ASPSCR1: variants seen among roughly 807,000 people sequenced by gnomAD.
ASPSCR1 encodes the protein tether containing UBX domain for GLUT4.
ASPSCR1 carries 55 observed loss-of-function variants against 68.9 expected under a neutral mutation model. The ratio of observed to expected loss-of-function variants is 0.80; its 90% CI spans 0.64 to 1.00. The LOEUF (loss-of-function observed/expected upper bound fraction) is 1.00. Ranked by LOEUF, ASPSCR1 falls within the 50% of genes least tolerant of loss-of-function variation. The pLI, the probability that ASPSCR1 is intolerant of heterozygous loss-of-function variation, is 0.00. For synonymous variants in ASPSCR1, 352 were observed against 332.6 expected (o/e 1.06, Z -0.63); for missense variants, 765 against 762.2 (o/e 1.00, Z -0.04).
intron 7 of ASPSCR1, among the ~76,000 whole-genome samples, chr17:82,000,198 T>A (rs2042481473): frequency 6.6e-6 from 1 of 152,252 alleles, no homozygotes; most frequent in Non-Finnish European, 1.5e-5. Flanking sequence ...GGCGTGGGCC[T>A]CAGCCCCTTC....
rs1251203365 is a variant in ASPSCR1, at chr17:81,986,580, C to T, written c.374+973C>T. 6.6e-6 allele frequency among the ~76,000 whole-genome samples: 1 copy of T among 152,198 alleles called. No homozygotes were observed. Among genetic ancestry groups the T allele is most frequent in the Non-Finnish European group, 1.5e-5 (1 of 68,032 alleles). ...GGAAGTCTCTGTCCACAGTAAAAGGCTCAGCAGAATGGAAGGGACTTGGGG... is the reference window on the plus strand; with the variant it reads ...GGAAGTCTCTGTCCACAGTAAAAGGTTCAGCAGAATGGAAGGGACTTGGGG... On this transcript the variant is annotated intron_variant, in intron 4 of 15. Transcript: ENST00000306739. The surrounding 1 kb of genome is among the most constrained non-coding windows in gnomAD (Gnocchi z 5.2).
In ASPSCR1 at chr17:81,987,497, T is replaced by G. The variant is rs376379847; in HGVS notation, c.374+1890T>G. Reference sequence around the variant, plus strand: ...CCAGTGCTCCCACAGGCACAGGTGCTTGGTGAGGGCCGTCCTCCCTGGCTG... The same window carrying G: ...CCAGTGCTCCCACAGGCACAGGTGCGTGGTGAGGGCCGTCCTCCCTGGCTG... On this transcript the variant is annotated intron_variant, in intron 4 of 15. Transcript: ENST00000306739. This position sits in a 1 kb window ranked among gnomAD's most constrained non-coding sequence, Gnocchi z 5.6. Among the ~76,000 whole-genome samples the G allele has an allele frequency of 7.2e-5, 11 of 152,218 alleles. No individual in the cohort carries two copies. Among genetic ancestry groups the G allele is most frequent in the African/African-American group, 1.2e-4 (5 of 41,546 alleles).
Position 81,996,514 on chromosome 17 carries a change from C to G in ASPSCR1, c.601C>G (p.Pro201Ala), listed in dbSNP as rs1277618403. The change falls in exon 7 of 16, where the codon CCC becomes GCC. Residue 201 changes from proline to alanine, a missense_variant. Coordinates refer to ENST00000306739, the MANE Select transcript of ASPSCR1 (RefSeq NM_024083.4). ...CCAGGCAGCCGCCAGCGCTCCACTTCCCTTGGAATCTGGGGAGCTCAGCCG... is the reference window on the plus strand; with the variant it reads ...CCAGGCAGCCGCCAGCGCTCCACTTGCCTTGGAATCTGGGGAGCTCAGCCG... ...AGQAAASAPLPLESGELSRGD... is the reference protein window; with the variant it reads ...AGQAAASAPLALESGELSRGD... The G allele has an allele frequency of 6.2e-7, 1 of 1,612,768 alleles. No homozygotes were observed. The highest frequency in any genetic ancestry group is 1.3e-5 in the African/African-American group (1 of 75,072).
At position 81,996,837 on chromosome 17, in the gene ASPSCR1, G is replaced by C; in HGVS notation, c.924G>C (p.Glu308Asp). ...AGCGGGATCCCCAGCAGGAGCAGGA[G>C]CGGGAGCGGGTAAAAGGGGCTCTAG... Reference protein sequence around the residue: ...ERERDPQQEQERERPVDREPV... With the variant: ...ERERDPQQEQDRERPVDREPV... The change falls in exon 7 of 16, where the codon GAG (glutamate) becomes GAC (aspartate). Residue 308 changes from glutamate (E) to aspartate (D), a missense_variant. Physicochemically the swap from Glu to Asp is conservative, Grantham distance 45 (BLOSUM62 2). Transcript: ENST00000306739. The C allele has an allele frequency of 6.3e-7, 1 of 1,598,496 alleles. No homozygotes were observed. The highest frequency in any genetic ancestry group is 8.5e-7 in the Non-Finnish European group (1 of 1,174,088).
At chr17:82,012,014 G>A (rs1386496865) in intron 11 of ASPSCR1, 10 of 668,400 alleles carry the variant, frequency 1.5e-5, no homozygotes, top group East Asian at 8.1e-5. Flanking sequence ...CGGGCTGCAC[G>A]GGTGGTGTCC....
At chr17:82,007,244 A>G (rs988358413) in intron 7 of ASPSCR1, 3 of 152,202 alleles carry the variant, frequency 2.0e-5, no homozygotes, top group Non-Finnish European at 4.4e-5. Flanking sequence ...CTCCCCTGCT[A>G]CCACGGCCCC....
chr17:81,985,046 CCCCACACACA>C (rs1052268721), intron 3 of ASPSCR1, among the ~76,000 whole-genome samples: 3 of 135,590 alleles, frequency 2.2e-5, no homozygotes, highest in Non-Finnish European at 1.6e-5. Flanking sequence ...CACACCTCCC[CCCCACACACA>C]CCCACGCACA....
rs2042111264 is a variant in ASPSCR1, at chr17:81,990,056, T to A, written c.374+4449T>A. On this transcript the variant is annotated intron_variant, in intron 4 of 15. Transcript: ENST00000306739. The surrounding 1 kb of genome is among the most constrained non-coding windows in gnomAD (Gnocchi z 4.1). Reference sequence around the variant, plus strand: ...TCCCAAAGTGCTGAGATTACAGGCGTGAGCCACCACACCTGGCCAATCACT... The same window carrying A: ...TCCCAAAGTGCTGAGATTACAGGCGAGAGCCACCACACCTGGCCAATCACT... Among the ~76,000 whole-genome samples, 1 of 152,228 alleles carries A rather than the reference T, an allele frequency of 6.6e-6. No individual in the cohort carries two copies. Among genetic ancestry groups the A allele is most frequent in the African/African-American group, 2.4e-5 (1 of 41,466 alleles).
chr17:81,979,663 TG>T (rs899988987), intron 2 of ASPSCR1, among the ~76,000 whole-genome samples: 4 of 152,110 alleles, frequency 2.6e-5, no homozygotes, highest in African/African-American at 9.7e-5. Flanking sequence ...CCATCTTTTT[TG>T]GGGGGGCCAC....
intron 3 of ASPSCR1, among the ~76,000 whole-genome samples, chr17:81,984,962 A>T (rs1598389699): frequency 1.4e-5 from 1 of 73,580 alleles, no homozygotes; most frequent in Non-Finnish European, 2.5e-5. Context: ...CACACCCCAC[A>T]CACCTGCACA....
intron 7 of ASPSCR1, among the ~76,000 whole-genome samples, chr17:82,004,134 A>G (rs11869686): frequency 0.021 from 3,255 of 152,298 alleles, 102 homozygotes; most frequent in African/African-American, 0.071. Context: ...ACCTCTGGGC[A>G]GTGTCCCGGC....
At chr17:82,015,213 C>T (rs2043081328) in intron 12 of ASPSCR1, 1 of 1,598,278 alleles carries the variant, frequency 6.3e-7, no homozygotes, top group Non-Finnish European at 8.5e-7. Flanking sequence ...TTTTTGGGGT[C>T]CATCCAGAGG....
chr17:82,015,519 G>C (rs759985029), intron 12 of ASPSCR1: 1 of 936,146 alleles, frequency 1.1e-6, no homozygotes, highest in Non-Finnish European at 1.6e-6. Context: ...GTCCTGGCCT[G>C]TGGGGGCTAT....
rs547391832 is a variant in ASPSCR1 at position 81,981,523 on chromosome 17, C to T, written c.159-2031C>T. Among the ~76,000 whole-genome samples, 124 of 152,248 alleles carry T rather than the reference C, an allele frequency of 8.1e-4. 1 individual carries two copies. The highest frequency in any genetic ancestry group is 2.7e-3 in the African/African-American group (113 of 41,528). ...CCTCCCGAGTAGCTGGGATTACAGG[C>T]GTGCGCCATCATGCCCAGCTAATTT... On this transcript the variant is annotated intron_variant, in intron 2 of 15. Coordinates refer to ENST00000306739, the MANE Select transcript of ASPSCR1 (RefSeq NM_024083.4).
At chr17:82,001,864 G>T (rs1415511293) in intron 7 of ASPSCR1, among the ~76,000 whole-genome samples, 2 of 152,182 alleles carry the variant, frequency 1.3e-5, no homozygotes, top group Non-Finnish European at 2.9e-5. Flanking sequence ...CTGTCCGGGG[G>T]TGTTGGTGCG....
intron 9 of ASPSCR1, 102 bp from the exon 10 acceptor site, chr17:82,010,700 C>A: frequency 1.6e-6 from 2 of 1,278,648 alleles, no homozygotes; most frequent in Non-Finnish European, 2.3e-6. Context: ...CCTGCCTCAG[C>A]CCTGGTGTCC....
rs1256552235 is a variant in ASPSCR1 at position 82,009,087 on chromosome 17, C to T, written c.984C>T (p.Asp328=). The T allele has an allele frequency of 1.3e-6, 2 of 1,583,534 alleles. No individual in the cohort carries two copies. Among genetic ancestry groups the T allele is most frequent in the Non-Finnish European group, 1.7e-6 (2 of 1,164,938 alleles). Residue 328 remains aspartate, a synonymous_variant, in exon 8 of 16, where the codon GAC becomes GAT. Transcript: ENST00000306739. ...GGGAGCCGGTGGTGTGCCACCCCGA[C>T]CTGGAGGAGCGGCTGCAGGCCTGGC... The part of the protein sequence containing the change: ...VDREPVVCHP[D]LEERLQAWPA...
Position 81,990,955 on chromosome 17 carries a change from G to A in ASPSCR1, c.375-3866G>A, listed in dbSNP as rs756642599. ...TCCCGTAGTTTGAATCCCACGTCCC[G>A]TAAGGACCTAGTTGCCAAGTGGTGA... On this transcript the variant is annotated intron_variant, in intron 4 of 15. Transcript: ENST00000306739. The surrounding 1 kb of genome is among the most constrained non-coding windows in gnomAD (Gnocchi z 4.1). Among the ~76,000 whole-genome samples the A allele has an allele frequency of 3.9e-5, 6 of 152,114 alleles. No individual in the cohort carries two copies. The highest frequency in any genetic ancestry group is 2.1e-4 in the South Asian group (1 of 4,832).
chr17:82,003,600 A>G (rs192034171), intron 7 of ASPSCR1, among the ~76,000 whole-genome samples: 151 of 152,330 alleles, frequency 9.9e-4, no homozygotes, highest in African/African-American at 3.4e-3. Flanking sequence ...TCGAGGCCTG[A>G]TGCCTCTGCC....
Sources: gnomAD v4.1 joint callset for allele counts (sites outside exome capture counted in the v4.1 genomes callset) on GRCh38, gnomAD v4.1.1 for gene constraint, Gnocchi (gnomAD v3.1) non-coding constraint, MANE v1.5 for transcripts, NCBI Gene and HGNC (gene_info 2026-07-23, HGNC 2026-07-21) for gene names.